The following USP10 variants were observed in gnomAD, a reference collection of about 807,000 sequenced individuals.
The protein encoded by USP10 is ubiquitin specific peptidase 10, also known as ubiquitin carboxyl-terminal hydrolase 10.
In USP10, 22 loss-of-function variants were observed where a neutral mutation model predicts 84.5. That is an observed-to-expected ratio of 0.26 (90% CI 0.19 to 0.37). The LOEUF (loss-of-function observed/expected upper bound fraction) is 0.37. Ranked by LOEUF, USP10 falls within the 10% of genes least tolerant of loss-of-function variation. The pLI, the probability that USP10 is intolerant of heterozygous loss-of-function variation, is 1.00. For missense variants in USP10, 1,019 were observed against 998.9 expected (o/e 1.02, Z -0.27); for synonymous variants, 454 against 387.6 (o/e 1.17, Z -2.01).
intron 1 of USP10, among the ~76,000 whole-genome samples, chr16:84,705,715 C>CTTTTTTTTTT (rs1034372044): frequency 1.1e-4 from 8 of 71,292 alleles, no homozygotes; most frequent in East Asian, 5.1e-4. Flanking sequence ...CCCTTGCTTG[C>CTTTTTTTTTT]TTTTTTTTTT....
chr16:84,768,878 G>T (rs371142069), intron 11 of USP10, among the ~76,000 whole-genome samples: 26 of 152,278 alleles, frequency 1.7e-4, no homozygotes, highest in African/African-American at 6.3e-4. Flanking sequence ...TAAGATTCTT[G>T]AGTCTTTCAG....
rs201725370 is a variant in USP10, at chr16:84,779,106, C to T, written c.*24C>T. ...AAACCCTGTGTGCGCTGTGTGTGCGCCCAGTGCCCGCTTCGTAGGACACCA... is the reference window on the plus strand; with the variant it reads ...AAACCCTGTGTGCGCTGTGTGTGCGTCCAGTGCCCGCTTCGTAGGACACCA... On this transcript the variant is annotated 3_prime_UTR_variant, in exon 14 of 14. Coordinates refer to ENST00000219473, the MANE Select transcript of USP10 (RefSeq NM_005153.3). The T allele has an allele frequency of 3.2e-5, 51 of 1,596,674 alleles. No homozygotes were observed. In the African/African-American group the frequency reaches 5.9e-4, roughly 18 times the overall value.
At chr16:84,756,318 C>A (rs1475615545) in intron 4 of USP10, among the ~76,000 whole-genome samples, 1 of 152,244 alleles carries the variant, frequency 6.6e-6, no homozygotes, top group African/African-American at 2.4e-5. Context: ...TTCAGCCACA[C>A]ACCATGGCTC....
chr16:84,752,566 A>G (rs1168180783), intron 4 of USP10, among the ~76,000 whole-genome samples: 3 of 152,248 alleles, frequency 2.0e-5, no homozygotes, highest in Non-Finnish European at 4.4e-5. Flanking sequence ...TGAAAGAGGA[A>G]TTTAAATAGA....
At chr16:84,755,342 C>G (rs1477392) in intron 4 of USP10, among the ~76,000 whole-genome samples, 2 of 151,108 alleles carry the variant, frequency 1.3e-5, no homozygotes, top group Non-Finnish European at 2.9e-5. Flanking sequence ...CCAGAAACTT[C>G]GCTGCATCTT....
At chr16:84,727,094 A>C (rs1156972907) in intron 1 of USP10, among the ~76,000 whole-genome samples, 1 of 152,226 alleles carries the variant, frequency 6.6e-6, no homozygotes, top group Non-Finnish European at 1.5e-5. Context: ...TATTTTAATG[A>C]CAGCCACCAA....
intron 1 of USP10, among the ~76,000 whole-genome samples, chr16:84,713,932 T>G (rs1282646085): frequency 6.6e-6 from 1 of 152,218 alleles, no homozygotes; most frequent in East Asian, 1.9e-4. Flanking sequence ...TGGAGAGTTG[T>G]CGGGGCTGCA....
At chr16:84,762,928 G>T in intron 8 of USP10, 61 bp from the exon 9 acceptor site, 1 of 1,040,600 alleles carries the variant, frequency 9.6e-7, no homozygotes. Context: ...AGTACTGCAT[G>T]TCCTGCAGGC....
At chr16:84,777,174 C>T (rs938717631) in intron 13 of USP10, among the ~76,000 whole-genome samples, 6 of 152,216 alleles carry the variant, frequency 3.9e-5, no homozygotes, top group Admixed American at 3.3e-4. Flanking sequence ...CGGTTCTCAG[C>T]GCTCCTGTCA....
At chr16:84,717,803 G>C (rs990298446) in intron 1 of USP10, among the ~76,000 whole-genome samples, 7 of 152,134 alleles carry the variant, frequency 4.6e-5, no homozygotes, top group Non-Finnish European at 8.8e-5. Context: ...CTAGTCTCTG[G>C]TCCTCAGGTG....
chr16:84,750,474 G>A (rs1014590654), intron 4 of USP10, among the ~76,000 whole-genome samples: 1 of 151,588 alleles, frequency 6.6e-6, no homozygotes, highest in African/African-American at 2.4e-5. Flanking sequence ...CGACACCCTT[G>A]TTAAGAGTGA....
At chr16:84,717,046 A>G (rs1183746935) in intron 1 of USP10, among the ~76,000 whole-genome samples, 2 of 152,198 alleles carry the variant, frequency 1.3e-5, no homozygotes, top group Admixed American at 6.5e-5. Context: ...TCCGTTGAGA[A>G]TCAGCTGCGG....
At chr16:84,732,449 T>C (rs1016833324) in intron 1 of USP10, 14 of 411,894 alleles carry the variant, frequency 3.4e-5, no homozygotes, top group Non-Finnish European at 5.2e-5. Context: ...TTCTTCTTTT[T>C]TTTTTTTTTC....
chr16:84,749,257 C>T (rs555866762), intron 4 of USP10, among the ~76,000 whole-genome samples: 1 of 152,220 alleles, frequency 6.6e-6, no homozygotes, highest in Non-Finnish European at 1.5e-5. Flanking sequence ...ACCACAAATT[C>T]CCTTTAGTGG....
intron 2 of USP10, 59 bp downstream of exon 2, chr16:84,733,562 C>T: frequency 8.1e-7 from 1 of 1,228,058 alleles, no homozygotes; most frequent in Non-Finnish European, 1.1e-6. Flanking sequence ...AGTTATGTTT[C>T]TATTTTAATT....
intron 4 of USP10, among the ~76,000 whole-genome samples, chr16:84,748,748 A>G (rs1911551036): frequency 6.6e-6 from 1 of 152,206 alleles, no homozygotes; most frequent in Admixed American, 6.5e-5. Context: ...ATATGACTTT[A>G]AATATAGTTT....
chr16:84,774,669 A>G (rs1310254790), intron 12 of USP10, among the ~76,000 whole-genome samples: 1 of 151,848 alleles, frequency 6.6e-6, no homozygotes, highest in African/African-American at 2.4e-5. Flanking sequence ...ACGTGGTTTC[A>G]CTGTATTAGC....
At chr16:84,774,610 A>G (rs1173419864) in intron 12 of USP10, among the ~76,000 whole-genome samples, 1 of 151,970 alleles carries the variant, frequency 6.6e-6, no homozygotes, top group Admixed American at 6.6e-5. Context: ...AGCTGAGACT[A>G]CAGCCGCGTG....
At chr16:84,702,993 C>CAAAAAAAAAAAAAAAAAAAA (rs1157728872) in intron 1 of USP10, among the ~76,000 whole-genome samples, 13 of 52,152 alleles carry the variant, frequency 2.5e-4, no homozygotes, top group African/African-American at 1.1e-3. Context: ...ACTCCCGTCT[C>CAAAAAAAAAAAAAAAAAAAA]AAAAAAAAAA....
Sources: gnomAD v4.1 joint callset for allele counts (sites outside exome capture counted in the v4.1 genomes callset) on GRCh38, gnomAD v4.1.1 for gene constraint, MANE v1.5 for transcripts, NCBI Gene and HGNC (gene_info 2026-07-23, HGNC 2026-07-21) for gene names.